Variants in TBXAS1 observed in about 807,000 individuals in gnomAD.
TBXAS1 encodes thromboxane A synthase 1.
TBXAS1 carries 48 observed loss-of-function variants against 60.7 expected under a neutral mutation model. That is an observed-to-expected ratio of 0.79 (90% CI 0.63 to 1.01). TBXAS1 has a LOEUF of 1.01. Among genes scored for constraint, TBXAS1 ranks in the 50% least tolerant of loss-of-function variants. TBXAS1 has a pLI of 0.00. For synonymous variants in TBXAS1, 287 were observed against 269.7 expected (o/e 1.06, Z -0.63); for missense variants, 685 against 686.3 (o/e 1.00, Z 0.02).
intron 1 of TBXAS1, among the ~76,000 whole-genome samples, chr7:139,855,925 TTTGAAACATTAATTAAAGACACCACAG>T (rs1800550065): frequency 6.6e-6 from 1 of 152,210 alleles, no homozygotes. Context: ...GTCTGAGCGC[TTTGAAACATTAATTAAAGACACCACAG>T]TTTCCTTATT....
intron 4 of TBXAS1, among the ~76,000 whole-genome samples, chr7:139,926,357 T>G (rs1401822053): frequency 2.0e-5 from 3 of 152,224 alleles, no homozygotes; most frequent in Non-Finnish European, 4.4e-5. Context: ...GGCTTTGGAT[T>G]AGTGATTCAA....
chr7:139,945,622 C>T (rs1012500221), intron 5 of TBXAS1, among the ~76,000 whole-genome samples: 2 of 152,206 alleles, frequency 1.3e-5, no homozygotes, highest in African/African-American at 4.8e-5. Context: ...TAATCCATGA[C>T]AACATGCAAT....
At chr7:139,788,116 T>C (rs891929369) in intron 4 of TBXAS1, among the ~76,000 whole-genome samples, 1 of 152,208 alleles carries the variant, frequency 6.6e-6, no homozygotes, top group African/African-American at 2.4e-5. Context: ...AACAAAGTTA[T>C]AGGTATTGCT....
intron 3 of TBXAS1, among the ~76,000 whole-genome samples, chr7:139,885,507 A>C (rs1225162858): frequency 6.6e-6 from 1 of 152,240 alleles, no homozygotes; most frequent in African/African-American, 2.4e-5. Context: ...GTATGCATAT[A>C]TCTTTTGTCA....
chr7:139,846,645 C>T (rs796740735), intron 1 of TBXAS1, among the ~76,000 whole-genome samples: 1 of 152,186 alleles, frequency 6.6e-6, no homozygotes, highest in Admixed American at 6.5e-5. Flanking sequence ...GAATTCTCAC[C>T]TGATCCCCAG....
intron 3 of TBXAS1, among the ~76,000 whole-genome samples, chr7:139,784,443 A>G (rs1225713446): frequency 2.0e-5 from 3 of 152,206 alleles, no homozygotes; most frequent in African/African-American, 7.2e-5. Context: ...ATACAATATA[A>G]TGAGTGCAGC....
intron 4 of TBXAS1, among the ~76,000 whole-genome samples, chr7:139,926,148 G>C (rs1806862238): frequency 6.6e-6 from 1 of 151,982 alleles, no homozygotes; most frequent in Non-Finnish European, 1.5e-5. Flanking sequence ...TTGGTATTAG[G>C]GTATGCTGGC....
At position 139,879,832 on chromosome 7, in the gene TBXAS1, TTGTGTGTG is replaced by T. The variant is rs57176056; in HGVS notation, c.236+4235_236+4242del. On this transcript the variant is annotated intron_variant, in intron 3 of 12. Transcript: ENST00000448866. ...AAGCTCCTTTTCCCTTTATCTCATT[TTGTGTGTG>T]TGTGTGTGTGTGTGTGTGTGTGTGT... 1.8e-3 allele frequency among the ~76,000 whole-genome samples: 251 copies of T among 140,500 alleles called. 1 individual carries two copies. Among genetic ancestry groups the T allele is most frequent in the Middle Eastern group, 3.6e-3 (1 of 278 alleles). 92.2% of individuals were successfully genotyped at this position (140,500 alleles called of 152,430 possible). A position where few individuals can be genotyped will look rare whatever the true frequency, so the allele number is the denominator to read the frequency against.
chr7:139,799,123 T>C lies in TBXAS1; in HGVS notation c.-80+11697T>C, dbSNP rs531483336. 2.0e-5 allele frequency among the ~76,000 whole-genome samples: 3 copies of C among 148,436 alleles called. No individual in the cohort carries two copies. The South Asian group carries it at 6.4e-4, about 32-fold the overall frequency. On this transcript the variant is annotated intron_variant, in intron 4 of 16. Coordinates refer to the TBXAS1 transcript ENST00000336425. Reference sequence around the variant, plus strand: ...CAGTCTCACTCTGCCACCCAGAGTATAGTGGTGCAATCCCTGGTCACTGCA... The same window carrying C: ...CAGTCTCACTCTGCCACCCAGAGTACAGTGGTGCAATCCCTGGTCACTGCA...
At chr7:139,810,354 C>A in intron 4 of TBXAS1, among the ~76,000 whole-genome samples, 1 of 152,146 alleles carries the variant, frequency 6.6e-6, no homozygotes, top group Non-Finnish European at 1.5e-5. Flanking sequence ...CATTCTAAGT[C>A]ATCTTTGTGA....
At chr7:139,833,408 C>T (rs1271752745) in intron 1 of TBXAS1, among the ~76,000 whole-genome samples, 7 of 147,810 alleles carry the variant, frequency 4.7e-5, no homozygotes, top group South Asian at 2.2e-4. Flanking sequence ...AGGGGCCGGG[C>T]GTGGTGGCTC....
intron 2 of TBXAS1, among the ~76,000 whole-genome samples, chr7:139,875,089 T>C (rs1802126578): frequency 6.6e-6 from 1 of 152,150 alleles, no homozygotes; most frequent in Admixed American, 6.5e-5. Context: ...AGCAAAACTC[T>C]GTCTCGAAAA....
intron 5 of TBXAS1, among the ~76,000 whole-genome samples, chr7:139,951,890 GGAAGGAAGGAAAGAA>G (rs1809347486): frequency 3.4e-5 from 1 of 29,120 alleles, no homozygotes; most frequent in Non-Finnish European, 7.0e-5. Flanking sequence ...AAAGAAGGAA[GGAAGGAAGGAAAGAA>G]AGAGAAAGAA....
chr7:139,805,686 CTTTCTTTCTTTCTTTCTTTCTT>C (rs751327395), intron 4 of TBXAS1, among the ~76,000 whole-genome samples: 1,251 of 33,840 alleles, frequency 0.037, 11 homozygotes, highest in South Asian at 0.056. Context: ...TTCTTTCTTT[CTTTCTTTCTTTCTTTCTTTCTT>C]TCTTTCTCTC....
chr7:140,011,836 C>CTATATATATATATATATA lies in TBXAS1; in HGVS notation c.1227-3872_1227-3871insATATATATATATATATAT, dbSNP rs3831720. The stretch of plus-strand genomic sequence containing the variant: ...TGGTTCAAATGGTCCATTTTATGTT[C>CTATATATATATATATATA]TATATATATATATATCCACAATGAA... On this transcript the variant is annotated intron_variant, in intron 10 of 12. Coordinates refer to ENST00000448866, the MANE Select transcript of TBXAS1 (RefSeq NM_001061.7). Among the ~76,000 whole-genome samples, 3 of 150,530 alleles carry CTATATATATATATATATA rather than the reference C, an allele frequency of 2.0e-5. No homozygotes were observed. The South Asian group carries it at 6.3e-4, about 32-fold the overall frequency.
intron 1 of TBXAS1, among the ~76,000 whole-genome samples, chr7:139,857,871 C>T (rs1158695228): frequency 1.3e-5 from 2 of 151,978 alleles, no homozygotes; most frequent in Non-Finnish European, 2.9e-5. Context: ...GGTGGGTCTA[C>T]AGGCACACAC....
exon 3 of TBXAS1, chr7:139,782,713 G>C (rs1300781351): frequency 6.6e-6 from 1 of 152,214 alleles, no homozygotes; most frequent in Non-Finnish European, 1.5e-5. Flanking sequence ...TATCTCTGGA[G>C]GATGTGCCTG....
intron 3 of TBXAS1, among the ~76,000 whole-genome samples, chr7:139,785,958 A>G (rs907448432): frequency 3.3e-5 from 5 of 149,756 alleles, no homozygotes; most frequent in Admixed American, 2.7e-4. Context: ...TCCCCAGCCC[A>G]CATCCCCAGA....
chr7:139,829,005 A>T, upstream of TBXAS1: 1 of 366,262 alleles, frequency 2.7e-6, no homozygotes, highest in East Asian at 7.1e-5. Context: ...ATATAGATAG[A>T]CATTTTGGAG....
Sources: allele counts gnomAD v4.1 joint callset (sites outside exome capture counted in the v4.1 genomes callset), GRCh38; gene constraint gnomAD v4.1.1; transcripts MANE v1.5; gene names NCBI Gene and HGNC (gene_info 2026-07-23, HGNC 2026-07-21).